SETBP1: variants seen among roughly 807,000 people sequenced by gnomAD.
SETBP1 encodes SET-binding protein.
Under a neutral mutation model 101.0 loss-of-function variants are expected in SETBP1, and 9 were observed. The ratio of observed to expected loss-of-function variants is 0.09; its 90% CI spans 0.05 to 0.16. SETBP1 has a LOEUF of 0.16. Among genes scored for constraint, SETBP1 ranks in the 10% least tolerant of loss-of-function variants. The probability of loss-of-function intolerance (pLI) is 1.00; values close to 1 mark genes in which losing one functional copy is unlikely to be tolerated. For missense variants in SETBP1, 1,858 were observed against 2,033.8 expected (o/e 0.91, Z 1.66); for synonymous variants, 818 against 788.5 (o/e 1.04, Z -0.63).
chr18:44,927,665 TCTGGG>T (rs1300063058), intron 3 of SETBP1, among the ~76,000 whole-genome samples: 16 of 152,072 alleles, frequency 1.1e-4, no homozygotes, highest in Non-Finnish European at 2.2e-4. Flanking sequence ...CAGAGCCAGG[TCTGGG>T]CTGGCCTCCT....
intron 2 of SETBP1, among the ~76,000 whole-genome samples, chr18:44,813,880 C>G (rs929812460): frequency 6.6e-6 from 1 of 152,170 alleles, no homozygotes; most frequent in Non-Finnish European, 1.5e-5. Flanking sequence ...GTTGTTAACC[C>G]TGGAACCTCC....
rs559578121 is a variant in SETBP1, at chr18:44,759,518, C to T, written c.486+57686C>T. On this transcript the variant is annotated intron_variant, in intron 2 of 5. Transcript: ENST00000649279. Reference sequence around the variant, plus strand: ...TGAGCTGACTCTTGTCAGTTTCGTTCCTATTTAAAGTTAGTTTCACCTTTC... The same window carrying T: ...TGAGCTGACTCTTGTCAGTTTCGTTTCTATTTAAAGTTAGTTTCACCTTTC... Among the ~76,000 whole-genome samples, 24 of 152,262 alleles carry T rather than the reference C, an allele frequency of 1.6e-4. No homozygotes were observed. The South Asian group carries it at 5.0e-3, about 32-fold the overall frequency.
chr18:45,010,345 C>T (rs926105011), intron 4 of SETBP1, among the ~76,000 whole-genome samples: 1 of 152,196 alleles, frequency 6.6e-6, no homozygotes, highest in African/African-American at 2.4e-5. Flanking sequence ...TAGGAGGAAG[C>T]ATAGGCCTGG....
intron 2 of SETBP1, among the ~76,000 whole-genome samples, chr18:44,743,665 T>G (rs2070151077): frequency 6.6e-6 from 1 of 152,212 alleles, no homozygotes; most frequent in Non-Finnish European, 1.5e-5. Flanking sequence ...TGGCTAAAAT[T>G]AGGGGTCAAG....
chr18:44,793,174 G>T (rs941641583), intron 2 of SETBP1, among the ~76,000 whole-genome samples: 91 of 152,342 alleles, frequency 6.0e-4, no homozygotes, highest in African/African-American at 1.9e-3. Flanking sequence ...TTTTGCAGAT[G>T]CATGTGCTGA....
At chr18:45,015,206 G>A (rs946596199) in intron 4 of SETBP1, among the ~76,000 whole-genome samples, 1 of 152,206 alleles carries the variant, frequency 6.6e-6, no homozygotes, top group Non-Finnish European at 1.5e-5. Context: ...AGGTATCAAG[G>A]TACTAGAATA....
intron 2 of SETBP1, among the ~76,000 whole-genome samples, chr18:44,720,137 A>C (rs1038185512): frequency 6.6e-6 from 1 of 152,138 alleles, no homozygotes; most frequent in African/African-American, 2.4e-5. Flanking sequence ...ATACAATCTG[A>C]TAGAGCCCTG....
intron 3 of SETBP1, among the ~76,000 whole-genome samples, chr18:44,920,576 T>A (rs1568217236): frequency 6.6e-6 from 1 of 152,006 alleles, no homozygotes. Flanking sequence ...GACGAGTTAG[T>A]AAAAGGGAGA....
intron 2 of SETBP1, among the ~76,000 whole-genome samples, chr18:44,777,508 G>A (rs943316023): frequency 4.6e-5 from 7 of 152,138 alleles, no homozygotes; most frequent in South Asian, 2.1e-4. Context: ...GCACCATTCC[G>A]CGTATGTCCT....
Position 44,932,674 on chromosome 18 carries a change from G to A in SETBP1, c.541-17207G>A, listed in dbSNP as rs141965577. 1.1e-3 allele frequency among the ~76,000 whole-genome samples: 173 copies of A among 151,456 alleles called. 2 individuals are homozygous for A. The highest frequency in any genetic ancestry group is 3.6e-3 in the African/African-American group (150 of 41,216). On this transcript the variant is annotated intron_variant, in intron 3 of 5. Transcript: ENST00000649279. ...TTTTTTTCTCTAAACTTCTCTTCTC[G>A]CTTCATTTCATTTATTTGATCTTCC...
intron 1 of SETBP1, among the ~76,000 whole-genome samples, chr18:44,695,302 C>T (rs1192140697): frequency 2.1e-4 from 32 of 152,164 alleles, no homozygotes. Flanking sequence ...CTAGAAAGAA[C>T]CTGCATCTAC....
chr18:44,902,493 C>A (rs1429240835), intron 3 of SETBP1, among the ~76,000 whole-genome samples: 1 of 81,874 alleles, frequency 1.2e-5, no homozygotes, highest in Non-Finnish European at 2.3e-5. Context: ...GGTGGGTGGG[C>A]TGGGAATGGC....
intron 3 of SETBP1, among the ~76,000 whole-genome samples, chr18:44,933,554 A>C (rs913280199): frequency 2.0e-5 from 3 of 152,160 alleles, no homozygotes; most frequent in African/African-American, 7.2e-5. Context: ...TCAGAGGTGG[A>C]GTCTACTGAG....
intron 2 of SETBP1, among the ~76,000 whole-genome samples, chr18:44,759,161 C>G (rs184417404): frequency 7.2e-4 from 110 of 152,224 alleles, no homozygotes; most frequent in Middle Eastern, 3.4e-3. Context: ...TCAAAATGTG[C>G]TGCTGTGGGG....
chr18:44,834,813 G>T (rs1036520889), intron 2 of SETBP1, among the ~76,000 whole-genome samples: 2 of 152,138 alleles, frequency 1.3e-5, no homozygotes, highest in Non-Finnish European at 2.9e-5. Flanking sequence ...GTTCAACATA[G>T]GCCCACATGG....
At chr18:44,830,668 A>T (rs1204191733) in intron 2 of SETBP1, among the ~76,000 whole-genome samples, 1 of 152,240 alleles carries the variant, frequency 6.6e-6, no homozygotes, top group Admixed American at 6.5e-5. Flanking sequence ...CAGAGTTACT[A>T]GGGATACTGT....
rs1555696149 is a variant in SETBP1, at chr18:44,885,857, C to CAAAAAAAAAAAAAAAAAAAAA, written c.540+16585_540+16586insAAAAAAAAAAAAAAAAAAAAA. ...CCCATTTCATTAAAAAAAAAAAAAACAAAAAAAAAAACAAGGTGACTTACC... is the reference window on the plus strand; with the variant it reads ...CCCATTTCATTAAAAAAAAAAAAAACAAAAAAAAAAAAAAAAAAAAAAAAAAAAAAAACAAGGTGACTTACC... On this transcript the variant is annotated intron_variant, in intron 3 of 5. Coordinates refer to ENST00000649279, the MANE Select transcript of SETBP1 (RefSeq NM_015559.3). Among the ~76,000 whole-genome samples the CAAAAAAAAAAAAAAAAAAAAA allele has an allele frequency of 6.4e-5, 5 of 78,164 alleles. 1 individual carries two copies. The highest frequency in any genetic ancestry group is 4.1e-4 in the South Asian group (1 of 2,416). 51.3% of individuals were successfully genotyped at this position (78,164 alleles called of 152,430 possible).
intron 2 of SETBP1, among the ~76,000 whole-genome samples, chr18:44,805,993 G>A (rs2071724217): frequency 6.6e-6 from 1 of 152,142 alleles, no homozygotes; most frequent in African/African-American, 2.4e-5. Context: ...TGCTTGGCAG[G>A]AAAGTGTGCT....
At chr18:44,959,661 G>C (rs1484198531) in intron 4 of SETBP1, among the ~76,000 whole-genome samples, 1 of 152,068 alleles carries the variant, frequency 6.6e-6, no homozygotes, top group Non-Finnish European at 1.5e-5. Flanking sequence ...AAGAGCAAGG[G>C]CTGTCCAAGT....
Sources: gnomAD v4.1 joint callset for allele counts (sites outside exome capture counted in the v4.1 genomes callset) on GRCh38, gnomAD v4.1.1 for gene constraint, MANE v1.5 for transcripts, NCBI Gene and HGNC (gene_info 2026-07-23, HGNC 2026-07-21) for gene names.